Variants in VWC2L observed in about 807,000 individuals in gnomAD.
VWC2L encodes the protein von Willebrand factor C domain-containing protein 2-like.
VWC2L carries 10 observed loss-of-function variants against 21.6 expected under a neutral mutation model. That is an observed-to-expected ratio of 0.46 (90% CI 0.29 to 0.78). The LOEUF is 0.78. VWC2L is among the 30% of genes least tolerant of loss of function. The probability of loss-of-function intolerance (pLI) is 0.10; values close to 1 mark genes in which losing one functional copy is unlikely to be tolerated. For missense variants in VWC2L, 209 were observed against 277.1 expected, an observed-to-expected ratio of 0.75 and a Z score of 1.74; for synonymous variants, 96 against 94.3, an observed-to-expected ratio of 1.02 and a Z score of -0.10.
At chr2:214,562,785 T>C (rs1207225018) in intron 3 of VWC2L, among the ~76,000 whole-genome samples, 1 of 152,204 alleles carries the variant, frequency 6.6e-6, no homozygotes, top group Non-Finnish European at 1.5e-5. Flanking sequence ...AAGTGTCTGT[T>C]CACGTCCTTT....
chr2:214,562,172 C>T (rs1689986003), intron 3 of VWC2L, among the ~76,000 whole-genome samples: 1 of 151,854 alleles, frequency 6.6e-6, no homozygotes, highest in African/African-American at 2.4e-5. Context: ...CCCCAACAGG[C>T]CCCAGTGTGT....
At chr2:214,538,147 T>G (rs1419718329) in intron 3 of VWC2L, among the ~76,000 whole-genome samples, 3 of 152,068 alleles carry the variant, frequency 2.0e-5, no homozygotes, top group Non-Finnish European at 4.4e-5. Flanking sequence ...TCGGCATGAC[T>G]GTGACAGACA....
Position 214,463,281 on chromosome 2 carries a change from GT to G in VWC2L, c.520+26530del, listed in dbSNP as rs534989687. Among the ~76,000 whole-genome samples the G allele has an allele frequency of 2.6e-4, 39 of 152,152 alleles. No homozygotes were observed. The South Asian group carries it at 7.3e-3, about 28-fold the overall frequency. ...TAACTTTTGCTTCTAGTACTTTGAA[GT>G]TTTTTTATGATGTACATAGATTTAT... On this transcript the variant is annotated intron_variant, in intron 3 of 3. Transcript: ENST00000312504.
chr2:214,536,737 A>G (rs1385087611), intron 3 of VWC2L: 2 of 152,006 alleles, frequency 1.3e-5, no homozygotes, highest in South Asian at 4.1e-4. Flanking sequence ...TGCTTGAAAT[A>G]TTCCCAATTG....
intron 3 of VWC2L, among the ~76,000 whole-genome samples, chr2:214,456,053 A>C (rs1333775952): frequency 6.6e-6 from 1 of 152,104 alleles, no homozygotes; most frequent in Non-Finnish European, 1.5e-5. Flanking sequence ...GGATAAATAC[A>C]CAGTAGTGGA....
chr2:214,531,389 C>G (rs1689432734), intron 3 of VWC2L, among the ~76,000 whole-genome samples: 1 of 152,106 alleles, frequency 6.6e-6, no homozygotes, highest in African/African-American at 2.4e-5. Flanking sequence ...TTATTTCTTC[C>G]TTAGTACAGG....
At chr2:214,476,961 G>A (rs975667961) in intron 3 of VWC2L, among the ~76,000 whole-genome samples, 9 of 152,058 alleles carry the variant, frequency 5.9e-5, no homozygotes, top group South Asian at 2.1e-4. Context: ...CTTAAGCATC[G>A]GAGCCCCTTT....
intron 3 of VWC2L, among the ~76,000 whole-genome samples, chr2:214,496,712 T>C (rs1688818341): frequency 6.6e-6 from 1 of 152,220 alleles, no homozygotes; most frequent in South Asian, 2.1e-4. Flanking sequence ...AAAACTTCAA[T>C]AATTAAATGT....
chr2:214,561,809 T>TATATATATATATATATATATACAC (rs1489588765), intron 3 of VWC2L, among the ~76,000 whole-genome samples: 50 of 127,186 alleles, frequency 3.9e-4, no homozygotes, highest in South Asian at 1.6e-3. Context: ...TATATATATA[T>TATATATATATATATATATATACAC]ACACACACAT....
At chr2:214,414,771 T>G (rs879332932) in intron 2 of VWC2L, 188 bp downstream of exon 2, 2 of 651,546 alleles carry the variant, frequency 3.1e-6, no homozygotes, top group Non-Finnish European at 5.0e-6. Flanking sequence ...TGATCATATT[T>G]GTTAAGTTGC....
At chr2:214,494,972 TTG>T (rs1245815681) in intron 3 of VWC2L, among the ~76,000 whole-genome samples, 2 of 152,158 alleles carry the variant, frequency 1.3e-5, no homozygotes, top group Admixed American at 1.3e-4. Flanking sequence ...ATTACTTTGA[TTG>T]TTCCTGAACT....
rs563987119 is a variant in VWC2L at position 214,564,250 on chromosome 2, A to G, written c.521-11422A>G. On this transcript the variant is annotated intron_variant, in intron 3 of 3. Transcript: ENST00000312504. ...TGAAAATGGCCATACTACCTAAAGT[A>G]ATCTATAGATTCAATGCTATACCCA... Among the ~76,000 whole-genome samples, 255 of 152,334 alleles carry G rather than the reference A, an allele frequency of 1.7e-3. 1 individual carries two copies. Among genetic ancestry groups the G allele is most frequent in the Non-Finnish European group, 2.8e-3 (192 of 68,026 alleles).
intron 3 of VWC2L, among the ~76,000 whole-genome samples, chr2:214,526,606 G>A (rs1269394375): frequency 6.6e-6 from 1 of 152,172 alleles, no homozygotes; most frequent in African/African-American, 2.4e-5. Context: ...AGCTTCTCTA[G>A]AAGGGATAGG....
At chr2:214,511,202 C>A (rs1358115222) in intron 3 of VWC2L, among the ~76,000 whole-genome samples, 1 of 152,034 alleles carries the variant, frequency 6.6e-6, no homozygotes, top group African/African-American at 2.4e-5. Flanking sequence ...AAGACCAAGG[C>A]TACAGTGAGC....
chr2:214,544,035 A>C (rs749508869), intron 3 of VWC2L, among the ~76,000 whole-genome samples: 6 of 152,220 alleles, frequency 3.9e-5, no homozygotes, highest in Admixed American at 6.5e-5. Flanking sequence ...GGGGACAAAA[A>C]CACAGAAATA....
At chr2:214,435,709 T>C (rs1039715924) in intron 2 of VWC2L, among the ~76,000 whole-genome samples, 2 of 152,164 alleles carry the variant, frequency 1.3e-5, no homozygotes, top group Non-Finnish European at 2.9e-5. Context: ...GTGGACATTG[T>C]ATGACTTCTG....
At chr2:214,548,326 G>T (rs1372558955) in intron 3 of VWC2L, among the ~76,000 whole-genome samples, 1 of 152,116 alleles carries the variant, frequency 6.6e-6, no homozygotes, top group Admixed American at 6.5e-5. Context: ...AAAATTTTGT[G>T]CCAGTATTCT....
At chr2:214,435,949 T>C (rs971010127) in intron 2 of VWC2L, among the ~76,000 whole-genome samples, 2 of 152,190 alleles carry the variant, frequency 1.3e-5, no homozygotes, top group Non-Finnish European at 2.9e-5. Flanking sequence ...ATTATCATTT[T>C]TAGTTCCATT....
intron 3 of VWC2L, among the ~76,000 whole-genome samples, chr2:214,506,436 CATT>C (rs1688968771): frequency 6.6e-6 from 1 of 152,138 alleles, no homozygotes; most frequent in Admixed American, 6.5e-5. Flanking sequence ...ACTCCTATAT[CATT>C]ATTAAGAATT....
Sources: gnomAD v4.1 joint callset for allele counts (sites outside exome capture counted in the v4.1 genomes callset) on GRCh38, gnomAD v4.1.1 for gene constraint, MANE v1.5 for transcripts, NCBI Gene and HGNC (gene_info 2026-07-23, HGNC 2026-07-21) for gene names.